The following MKLN1 variants were observed in gnomAD, a reference collection of about 807,000 sequenced individuals.
The protein encoded by MKLN1 is muskelin.
Under a neutral mutation model 99.0 loss-of-function variants are expected in MKLN1, and 18 were observed. The observed-to-expected ratio is 0.18, with a 90% CI of 0.13 to 0.27. The LOEUF (loss-of-function observed/expected upper bound fraction) is 0.27. Ranked by LOEUF, MKLN1 falls within the 10% of genes least tolerant of loss-of-function variation. The pLI is 1.00. For synonymous variants in MKLN1, 288 were observed against 293.2 expected, an observed-to-expected ratio of 0.98 and a Z score of 0.18; for missense variants, 621 against 875.9, an observed-to-expected ratio of 0.71 and a Z score of 3.67.
At chr7:131,327,822 T>C (rs1798927093), upstream of MKLN1, 1 of 1,557,122 alleles carries the variant, frequency 6.4e-7, no homozygotes, top group African/African-American at 1.4e-5. Flanking sequence ...CGGCGGCCCC[T>C]TTAAGAGCAG....
chr7:131,162,643 G>A lies in MKLN1; in HGVS notation c.-297+19702G>A, dbSNP rs374768231. On this transcript the variant is annotated intron_variant, in intron 2 of 7. Coordinates refer to the MKLN1 transcript ENST00000416992. ...GAATTTAGACTTGGGTCTTATTCCCGAGATATCTCATTTATGTATATGCAG... is the reference window on the plus strand; with the variant it reads ...GAATTTAGACTTGGGTCTTATTCCCAAGATATCTCATTTATGTATATGCAG... Among the ~76,000 whole-genome samples the A allele has an allele frequency of 1.1e-4, 16 of 152,188 alleles. No individual in the cohort carries two copies. The East Asian group carries it at 1.5e-3, about 15-fold the overall frequency.
intron 3 of MKLN1, among the ~76,000 whole-genome samples, chr7:131,263,426 G>A (rs978621755): frequency 6.6e-6 from 1 of 151,518 alleles, no homozygotes; most frequent in African/African-American, 2.4e-5. Flanking sequence ...TTGGGAGGCT[G>A]AGGTGGGAAG....
intron 1 of MKLN1, among the ~76,000 whole-genome samples, chr7:131,138,461 T>C (rs12112183): frequency 0.053 from 8,052 of 152,292 alleles, 376 homozygotes; most frequent in African/African-American, 0.13. Flanking sequence ...TTGGTCTCTT[T>C]CATGCATAAT....
chr7:131,231,240 A>G (rs1797239976), intron 3 of MKLN1, among the ~76,000 whole-genome samples: 3 of 151,844 alleles, frequency 2.0e-5, no homozygotes, highest in Admixed American at 2.0e-4. Flanking sequence ...TTAGCATGTC[A>G]GGAAAAGATT....
At chr7:131,384,960 G>A (rs372773952) in intron 2 of MKLN1, among the ~76,000 whole-genome samples, 1 of 152,168 alleles carries the variant, frequency 6.6e-6, no homozygotes, top group Non-Finnish European at 1.5e-5. Flanking sequence ...ACAGAATTGA[G>A]CAACTATCAC....
chr7:131,298,725 G>A (rs1437211852), intron 3 of MKLN1, among the ~76,000 whole-genome samples: 1 of 152,124 alleles, frequency 6.6e-6, no homozygotes, highest in Non-Finnish European at 1.5e-5. Flanking sequence ...CTTGTACCTA[G>A]ATTTGTTGCC....
intron 1 of MKLN1, among the ~76,000 whole-genome samples, chr7:131,363,478 G>C (rs1800088283): frequency 6.6e-6 from 1 of 151,994 alleles, no homozygotes; most frequent in Admixed American, 6.6e-5. Flanking sequence ...GAGAGTATTT[G>C]TTGGTAGGAT....
chr7:131,151,952 G>A (rs912632307), intron 2 of MKLN1, among the ~76,000 whole-genome samples: 2 of 152,130 alleles, frequency 1.3e-5, no homozygotes, highest in Non-Finnish European at 2.9e-5. Flanking sequence ...CTCATGTCTA[G>A]CCCATCAATA....
At chr7:131,197,977 G>T (rs1479084480) in intron 2 of MKLN1, among the ~76,000 whole-genome samples, 1 of 152,006 alleles carries the variant, frequency 6.6e-6, no homozygotes, top group Non-Finnish European at 1.5e-5. Context: ...TGGGACAACA[G>T]GCCCACACCA....
chr7:131,137,134 C>T (rs550045390), intron 1 of MKLN1, among the ~76,000 whole-genome samples: 5 of 152,200 alleles, frequency 3.3e-5, no homozygotes, highest in Admixed American at 6.5e-5. Context: ...GTTACAGGTG[C>T]GAGCCATCAC....
chr7:131,436,192 A>G (rs1405765076), intron 9 of MKLN1, among the ~76,000 whole-genome samples: 2 of 152,150 alleles, frequency 1.3e-5, no homozygotes, highest in African/African-American at 2.4e-5. Context: ...CATCAACTTC[A>G]TTGTCAAAAT....
chr7:131,410,596 T>C (rs1794845428), intron 6 of MKLN1, among the ~76,000 whole-genome samples: 1 of 152,106 alleles, frequency 6.6e-6, no homozygotes, highest in Admixed American at 6.5e-5. Context: ...TCTTCTCTAG[T>C]TCTCTTGGAT....
At chr7:131,274,706 T>G (rs778485296) in intron 3 of MKLN1, among the ~76,000 whole-genome samples, 101 of 151,578 alleles carry the variant, frequency 6.7e-4, no homozygotes, top group Non-Finnish European at 1.2e-3. Context: ...GATGAGTGTC[T>G]TGGTGTCACT....
chr7:131,389,260 T>C (rs1794123437), intron 4 of MKLN1, among the ~76,000 whole-genome samples: 1 of 152,198 alleles, frequency 6.6e-6, no homozygotes, highest in Non-Finnish European at 1.5e-5. Flanking sequence ...GTGGCAGTTA[T>C]TTCAAGTGGA....
intron 4 of MKLN1, among the ~76,000 whole-genome samples, chr7:131,390,105 G>A (rs1280889029): frequency 6.6e-6 from 1 of 152,084 alleles, no homozygotes; most frequent in African/African-American, 2.4e-5. Context: ...ATTTTGTTTT[G>A]TGACTCAAAC....
intron 7 of MKLN1, among the ~76,000 whole-genome samples, chr7:131,412,311 G>T (rs780398409): frequency 1.1e-4 from 16 of 152,146 alleles, no homozygotes; most frequent in Non-Finnish European, 2.1e-4. Context: ...GTGTTGTAAT[G>T]CCATACACAT....
chr7:131,233,855 T>C (rs1797277515), intron 3 of MKLN1, among the ~76,000 whole-genome samples: 1 of 152,154 alleles, frequency 6.6e-6, no homozygotes, highest in Admixed American at 6.5e-5. Context: ...AACATCATAG[T>C]AAAAACACAT....
intron 4 of MKLN1, among the ~76,000 whole-genome samples, chr7:131,393,687 T>C (rs1224259562): frequency 1.3e-5 from 2 of 152,176 alleles, no homozygotes; most frequent in Non-Finnish European, 2.9e-5. Context: ...AATTTAGTAG[T>C]GTGGTCATAG....
chr7:131,192,139 A>AC (rs374083397), intron 2 of MKLN1, among the ~76,000 whole-genome samples: 1 of 74,142 alleles, frequency 1.3e-5, no homozygotes, highest in Non-Finnish European at 2.4e-5. Context: ...ATAAAAATAT[A>AC]TATACGTATA....
Sources: allele counts gnomAD v4.1 joint callset (sites outside exome capture counted in the v4.1 genomes callset), GRCh38; gene constraint gnomAD v4.1.1; transcripts MANE v1.5; gene names NCBI Gene and HGNC (gene_info 2026-07-23, HGNC 2026-07-21).